PRKG2: variants seen among roughly 807,000 people sequenced by gnomAD.
PRKG2 encodes cGMP-dependent protein kinase 2.
Under a neutral mutation model 97.2 loss-of-function variants are expected in PRKG2, and 33 were observed. That is an observed-to-expected ratio of 0.34 (90% CI 0.26 to 0.45). The LOEUF (loss-of-function observed/expected upper bound fraction) is 0.45, where lower values mean the gene tolerates loss of function less well. Ranked by LOEUF, PRKG2 falls within the 20% of genes least tolerant of loss-of-function variation. PRKG2 has a pLI of 1.00. For synonymous variants in PRKG2, 330 were observed against 321.8 expected (o/e 1.03, Z -0.27); for missense variants, 638 against 900.0 (o/e 0.71, Z 3.73).
At chr4:81,133,848 AT>A (rs11411552) in intron 14 of PRKG2, among the ~76,000 whole-genome samples, 22 of 144,708 alleles carry the variant, frequency 1.5e-4, no homozygotes, top group Non-Finnish European at 2.0e-4. Flanking sequence ...ATATATAGCT[AT>A]TTTTTTTTAA....
chr4:81,187,683 T>A (rs1752005087), intron 2 of PRKG2, among the ~76,000 whole-genome samples: 3 of 152,176 alleles, frequency 2.0e-5, no homozygotes, highest in Admixed American at 2.0e-4. Flanking sequence ...ATTGTCTCTG[T>A]TTGCAGATGA....
At chr4:81,155,784 T>G (rs1281566633) in intron 6 of PRKG2, among the ~76,000 whole-genome samples, 1 of 151,714 alleles carries the variant, frequency 6.6e-6, no homozygotes, top group African/African-American at 2.4e-5. Flanking sequence ...TCAACATTCT[T>G]AAAGAAAAGA....
intron 2 of PRKG2, among the ~76,000 whole-genome samples, chr4:81,193,947 C>T (rs921069858): frequency 1.3e-5 from 2 of 152,110 alleles, no homozygotes; most frequent in African/African-American, 4.8e-5. Flanking sequence ...TGTCTAGGTT[C>T]CCCATACTTA....
chr4:81,129,768 G>C (rs1015992110), intron 14 of PRKG2, among the ~76,000 whole-genome samples: 19 of 152,114 alleles, frequency 1.2e-4, no homozygotes, highest in African/African-American at 4.6e-4. Context: ...GCACACCGAT[G>C]CATCTTGACT....
chr4:81,122,655 C>A (rs181000366), intron 14 of PRKG2, among the ~76,000 whole-genome samples: 503 of 152,188 alleles, frequency 3.3e-3, no homozygotes, highest in African/African-American at 0.012. Context: ...GCTGAAAAAA[C>A]AAACAGACCA....
chr4:81,121,197 A>G (rs898935617), intron 14 of PRKG2, among the ~76,000 whole-genome samples: 28 of 152,024 alleles, frequency 1.8e-4, no homozygotes, highest in African/African-American at 6.0e-4. Context: ...CTGTTTGCCA[A>G]TATTTTGCTG....
At chr4:81,164,879 A>T (rs980346103) in intron 6 of PRKG2, 3 of 152,180 alleles carry the variant, frequency 2.0e-5, no homozygotes, top group African/African-American at 7.2e-5. Context: ...TTTATGATGA[A>T]TCACAATGTT....
chr4:81,190,340 G>A (rs115320141), intron 2 of PRKG2, among the ~76,000 whole-genome samples: 1 of 152,116 alleles, frequency 6.6e-6, no homozygotes, highest in African/African-American at 2.4e-5. Flanking sequence ...AAGCAATCAA[G>A]AAAGGATTCC....
At chr4:81,141,887 G>T (rs912370061) in intron 11 of PRKG2, among the ~76,000 whole-genome samples, 4 of 152,184 alleles carry the variant, frequency 2.6e-5, no homozygotes, top group Non-Finnish European at 4.4e-5. Flanking sequence ...CATCAGAGAT[G>T]AAGCAAGGAC....
intron 8 of PRKG2, among the ~76,000 whole-genome samples, chr4:81,150,772 C>T (rs964473012): frequency 2.0e-5 from 3 of 152,046 alleles, no homozygotes; most frequent in East Asian, 1.9e-4. Flanking sequence ...AATCTGTAAG[C>T]GTTAAGAACA....
At chr4:81,176,470 T>C (rs1369281038) in intron 2 of PRKG2, among the ~76,000 whole-genome samples, 2 of 152,300 alleles carry the variant, frequency 1.3e-5, no homozygotes, top group East Asian at 3.9e-4. Flanking sequence ...TCACTTAATA[T>C]ATATTGAGAA....
intron 6 of PRKG2, among the ~76,000 whole-genome samples, chr4:81,154,818 T>C (rs910759726): frequency 6.6e-6 from 1 of 152,096 alleles, no homozygotes. Context: ...ATCAAATTAC[T>C]CTGAGCTACG....
rs538956565 is a variant in PRKG2 at position 81,164,781 on chromosome 4, A to G, written c.912+2380T>C. 5.9e-5 allele frequency among the ~76,000 whole-genome samples: 9 copies of G among 152,218 alleles called. No individual in the cohort carries two copies. In the East Asian group the frequency reaches 1.7e-3, roughly 29 times the overall value. On this transcript the variant is annotated intron_variant, in intron 6 of 18. Transcript: ENST00000264399. ...CTACACCCTCATCCCAGCCTCAAAC[A>G]CCTCAGCTTTGTGAAAGATGGCAGG...
At chr4:81,110,691 T>A in intron 14 of PRKG2, 80 bp from the exon 15 acceptor site, 9 of 1,491,696 alleles carry the variant, frequency 6.0e-6, no homozygotes, top group Non-Finnish European at 8.3e-6. Context: ...ACCTCTGAAA[T>A]CTGCTTTCTA....
At position 81,169,737 on chromosome 4, in the gene PRKG2, A is replaced by G. The variant is rs748222516; in HGVS notation, c.774T>C (p.Asp258=). 6.2e-7 allele frequency: 1 copy of G among 1,609,376 alleles called. No individual in the cohort carries two copies. The highest frequency in any genetic ancestry group is 1.7e-5 in the Admixed American group (1 of 59,332). ...TCATTATATTCTGGAATACCTCTCG[A>G]TCTAGTGCCCATGTTTTAACATTGG... ...AITNVKTWAL[D]REVFQNIMRR... The change falls in exon 5 of 19, where the codon GAT becomes GAC. Residue 258 remains aspartate (D), a synonymous_variant. Transcript: ENST00000264399.
intron 14 of PRKG2, among the ~76,000 whole-genome samples, chr4:81,130,136 A>G (rs1197928339): frequency 6.6e-6 from 1 of 152,054 alleles, no homozygotes; most frequent in East Asian, 1.9e-4. Flanking sequence ...ACATGGATTT[A>G]TCTACCTTTG....
At chr4:81,115,097 CA>C (rs1449605411) in intron 14 of PRKG2, among the ~76,000 whole-genome samples, 1 of 152,050 alleles carries the variant, frequency 6.6e-6, no homozygotes, top group Non-Finnish European at 1.5e-5. Flanking sequence ...CTTCTATTAA[CA>C]TCATTTTCTA....
Position 81,105,704 on chromosome 4 carries a change from A to G in PRKG2, c.2063+109T>C, listed in dbSNP as rs959993176. The G allele has an allele frequency of 1.6e-5, 23 of 1,466,672 alleles. No individual in the cohort carries two copies. In the African/African-American group the frequency reaches 3.0e-4, roughly 19 times the overall value. The allele number at this position is 1,466,672 out of a possible 1,614,324, so 90.9% of individuals were successfully genotyped here. A position where few individuals can be genotyped will look rare whatever the true frequency, so the allele number is the denominator to read the frequency against. On this transcript the variant is annotated intron_variant, in intron 16 of 18. Coordinates refer to ENST00000264399, the MANE Select transcript of PRKG2 (RefSeq NM_006259.3). The stretch of plus-strand genomic sequence containing the variant: ...TCCTTCAAATATAATTTGCCTATAT[A>G]AAAACAGCACAAAAAGTAAATATGC...
intron 17 of PRKG2, among the ~76,000 whole-genome samples, chr4:81,092,715 C>T (rs1741701970): frequency 6.6e-6 from 1 of 152,194 alleles, no homozygotes; most frequent in Admixed American, 6.5e-5. Context: ...TAATAGGCAT[C>T]TGGCATGTAT....
Sources: gnomAD v4.1 joint callset for allele counts (sites outside exome capture counted in the v4.1 genomes callset) on GRCh38, gnomAD v4.1.1 for gene constraint, MANE v1.5 for transcripts, NCBI Gene and HGNC (gene_info 2026-07-23, HGNC 2026-07-21) for gene names.